CD226: variants seen among roughly 807,000 people sequenced by gnomAD.
The protein encoded by CD226 is CD226 antigen.
In CD226, 24 loss-of-function variants were observed where a neutral mutation model predicts 34.9. The ratio of observed to expected loss-of-function variants is 0.69; its 90% CI spans 0.50 to 0.97. The LOEUF is 0.97. CD226 is among the 50% of genes least tolerant of loss of function. The pLI is 0.00. For missense variants in CD226, 397 were observed against 412.7 expected (o/e 0.96, Z 0.33); for synonymous variants, 148 against 147.4 (o/e 1.00, Z -0.03).
chr18:69,946,951 G>A lies in CD226; in HGVS notation c.165C>T (p.Thr55=), dbSNP rs1303772197. 6.2e-7 allele frequency: 1 copy of A among 1,614,100 alleles called. No homozygotes were observed. Among genetic ancestry groups the A allele is most frequent in the Admixed American group, 1.7e-5 (1 of 60,012 alleles). ...LTQVEWFKIG[T]QQDSIAIFSP... Reference sequence around the variant, plus strand: ...TGAAAATGGCTATGGAATCCTGCTGGGTCCCGATCTTGAACCACTCCACCT... The same window carrying A: ...TGAAAATGGCTATGGAATCCTGCTGAGTCCCGATCTTGAACCACTCCACCT... The change falls in exon 2 of 6, where the codon ACC becomes ACT. Residue 55 remains threonine (T), a synonymous_variant. Coordinates refer to ENST00000582621, the MANE Select transcript of CD226 (RefSeq NM_001303618.2).
chr18:69,909,256 G>A (rs1365652226), intron 2 of CD226, among the ~76,000 whole-genome samples: 1 of 152,208 alleles, frequency 6.6e-6, no homozygotes, highest in Non-Finnish European at 1.5e-5. Context: ...AAGATGATGT[G>A]TTGTAAATTT....
chr18:69,960,235 A>G (rs1443837940), upstream of CD226, among the ~76,000 whole-genome samples: 1 of 150,126 alleles, frequency 6.7e-6, no homozygotes, highest in Non-Finnish European at 1.5e-5. Context: ...GCGAGACTCC[A>G]TCTTAAAAAA....
rs112551844 is a variant in CD226, at chr18:69,867,364, G to A, written c.878C>T (p.Thr293Ile). 1 of 1,592,822 alleles carries A rather than the reference G, an allele frequency of 6.3e-7. No homozygotes were observed. The highest frequency in any genetic ancestry group is 8.6e-7 in the Non-Finnish European group (1 of 1,161,110). Residue 293 changes from threonine to isoleucine, a missense_variant, in exon 5 of 6, where the codon ACA (threonine) becomes ATA (isoleucine). Thr to Ile is a moderately conservative substitution (Grantham distance 89). Transcript: ENST00000582621. ...RRDLFTESWD[T>I]QKAPNNYRSP... ...AGTTCCGTATAAACTTACCTTCTGT[G>A]TATCCCAGGACTCTGTAAATAGATC...
intron 2 of CD226, among the ~76,000 whole-genome samples, chr18:69,906,511 C>CA (rs2055255220): frequency 6.6e-6 from 1 of 151,976 alleles, no homozygotes; most frequent in Admixed American, 6.6e-5. Flanking sequence ...CTCAGCGCTG[C>CA]AAAAATCTCG....
chr18:69,896,172 T>C, intron 2 of CD226, 127 bp from the exon 3 acceptor site: 1 of 1,407,458 alleles, frequency 7.1e-7, no homozygotes, highest in Non-Finnish European at 9.2e-7. Flanking sequence ...GAATGACCTC[T>C]TTATACTACT....
intron 2 of CD226, among the ~76,000 whole-genome samples, chr18:69,919,876 C>CT (rs113345493): frequency 0.014 from 1,987 of 140,500 alleles, 25 homozygotes; most frequent in African/African-American, 0.037. Context: ...TGTTGTCACT[C>CT]TTTTTTTTTT....
At chr18:69,925,803 C>T (rs17803465) in intron 2 of CD226, among the ~76,000 whole-genome samples, 4,854 of 152,240 alleles carry the variant, frequency 0.032, 129 homozygotes, top group Non-Finnish European at 0.045. Context: ...TCAATAAACT[C>T]TCAGTCCCCT....
chr18:69,868,824 C>CACAA (rs35624707), intron 4 of CD226, among the ~76,000 whole-genome samples: 4 of 151,244 alleles, frequency 2.6e-5, no homozygotes, highest in Non-Finnish European at 5.9e-5. Context: ...CACACACACA[C>CACAA]AGACACACAC....
At chr18:69,891,777 AC>A (rs1984918707) in intron 3 of CD226, among the ~76,000 whole-genome samples, 1 of 152,260 alleles carries the variant, frequency 6.6e-6, no homozygotes, top group Non-Finnish European at 1.5e-5. Flanking sequence ...AATAAACTTA[AC>A]CAAAAATGTT....
intron 2 of CD226, among the ~76,000 whole-genome samples, chr18:69,909,707 A>G (rs1045915584): frequency 2.0e-5 from 3 of 152,246 alleles, no homozygotes; most frequent in Admixed American, 6.5e-5. Flanking sequence ...TGGATTTGCA[A>G]TGAAATTTGG....
intron 2 of CD226, among the ~76,000 whole-genome samples, chr18:69,923,811 G>A (rs893463897): frequency 1.3e-5 from 2 of 151,988 alleles, no homozygotes; most frequent in East Asian, 1.9e-4. Context: ...AAAATTAGCC[G>A]GGCGTAGTGG....
rs374840531 is a variant in CD226, at chr18:69,942,334, G to C, written c.382+4400C>G. 1.6e-4 allele frequency among the ~76,000 whole-genome samples: 24 copies of C among 152,128 alleles called. 1 individual carries two copies. The highest frequency in any genetic ancestry group is 1.3e-3 in the East Asian group (7 of 5,188). On this transcript the variant is annotated intron_variant, in intron 2 of 5. Transcript: ENST00000582621. ...ATCCTCCTGCTAGCAGTGTGTAAAG[G>C]TTCCAATCTACAGATGCCTATTTGC... is the stretch of plus-strand genomic sequence containing the variant.
intron 4 of CD226, among the ~76,000 whole-genome samples, chr18:69,872,872 CT>C (rs1453523800): frequency 3.3e-5 from 5 of 152,128 alleles, no homozygotes; most frequent in African/African-American, 1.2e-4. Context: ...TCGCTGTCAG[CT>C]TTTTCCTTGG....
Position 69,864,415 on chromosome 18 carries a change from T to C in CD226, c.910A>G (p.Ile304Val), listed in dbSNP as rs1983008984. 4 of 1,613,596 alleles carry C rather than the reference T, an allele frequency of 2.5e-6. No individual in the cohort carries two copies. Among genetic ancestry groups the C allele is most frequent in the South Asian group, 2.2e-5 (2 of 91,066 alleles). ...TGATTGGTAGGTTGACTGGTAGAGA[T>C]GGGACTTCTATAGTTATTGGGTGCC... ...QKAPNNYRSPISTSQPTNQSM... is the reference protein window; with the variant it reads ...QKAPNNYRSPVSTSQPTNQSM... Residue 304 changes from isoleucine (I) to valine (V), a missense_variant, in exon 6 of 6, where the codon ATC becomes GTC. Transcript: ENST00000582621.
At chr18:69,955,704 A>G (rs1227232547) in intron 1 of CD226, among the ~76,000 whole-genome samples, 1 of 152,026 alleles carries the variant, frequency 6.6e-6, no homozygotes, top group Non-Finnish European at 1.5e-5. Context: ...TCTGCTAAAA[A>G]TACAAAAAAT....
rs1982568634 is a variant in CD226, at chr18:69,854,906, G to A, written c.*9408C>T. On this transcript the variant is annotated 3_prime_UTR_variant, in exon 6 of 6. Transcript: ENST00000582621. ...AAAGACAGAAAGTCTCTCTGAAGAG[G>A]AGCACTTAGGGAAGCCTGAACTCAA... 6.6e-6 allele frequency: 1 copy of A among 152,320 alleles called. No individual in the cohort carries two copies. Among genetic ancestry groups the A allele is most frequent in the Non-Finnish European group, 1.5e-5 (1 of 68,160 alleles). 9.4% of individuals were successfully genotyped at this position (152,320 alleles called of 1,614,324 possible). A position where few individuals can be genotyped will look rare whatever the true frequency, so the allele number is the denominator to read the frequency against.
Position 69,946,876 on chromosome 18 carries a change from G to A in CD226, c.240C>T (p.Tyr80=), listed in dbSNP as rs1217798367. ...TGGAAGCCATCGTTGAATTCAAAAA[G>A]TAAACCCTCTCAGCATAGGGCTTCC... ...VIRKPYAERV[Y]FLNSTMASNN... Residue 80 remains tyrosine (Y), a synonymous_variant, in exon 2 of 6, where the codon TAC becomes TAT. Transcript: ENST00000582621. 1 of 1,614,144 alleles carries A rather than the reference G, an allele frequency of 6.2e-7. No individual in the cohort carries two copies. Among genetic ancestry groups the A allele is most frequent in the South Asian group, 1.1e-5 (1 of 91,082 alleles).
intron 2 of CD226, among the ~76,000 whole-genome samples, chr18:69,921,849 A>G (rs1292669125): frequency 6.6e-6 from 1 of 151,962 alleles, no homozygotes; most frequent in Non-Finnish European, 1.5e-5. Context: ...GTTTTGATTT[A>G]GTTTGGGCTT....
intron 3 of CD226, among the ~76,000 whole-genome samples, chr18:69,874,389 G>C (rs1788227): frequency 0.061 from 9,208 of 152,168 alleles, 803 homozygotes; most frequent in African/African-American, 0.19. Context: ...CCTCCCACAG[G>C]GAAGAATCCC....
Sources: allele counts gnomAD v4.1 joint callset (sites outside exome capture counted in the v4.1 genomes callset), GRCh38; gene constraint gnomAD v4.1.1; transcripts MANE v1.5; gene names NCBI Gene and HGNC (gene_info 2026-07-23, HGNC 2026-07-21).